The following TUSC3 variants were observed in gnomAD, a reference collection of about 807,000 sequenced individuals.
TUSC3 encodes dolichyl-diphosphooligosaccharide--protein glycosyltransferase subunit TUSC3.
In TUSC3, 45 loss-of-function variants were observed where a neutral mutation model predicts 44.8. The ratio of observed to expected loss-of-function variants is 1.00; its 90% CI spans 0.79 to 1.29. The LOEUF (loss-of-function observed/expected upper bound fraction) is 1.29. Ranked by LOEUF, TUSC3 falls within the 50% of genes most tolerant of loss-of-function variation. The probability of loss-of-function intolerance (pLI) is 0.00; values close to 1 mark genes in which losing one functional copy is unlikely to be tolerated. For synonymous variants in TUSC3, 212 were observed against 152.9 expected, an observed-to-expected ratio of 1.39 and a Z score of -2.85; for missense variants, 519 against 437.9, an observed-to-expected ratio of 1.19 and a Z score of -1.65.
intron 2 of TUSC3, among the ~76,000 whole-genome samples, chr8:15,527,113 G>T (rs557177077): frequency 1.3e-5 from 2 of 152,112 alleles, no homozygotes; most frequent in African/African-American, 4.8e-5. Flanking sequence ...GCATATTGGC[G>T]TGCACTGCTT....
At chr8:15,552,005 TG>T (rs1259676061) in intron 1 of TUSC3, among the ~76,000 whole-genome samples, 4 of 151,752 alleles carry the variant, frequency 2.6e-5, no homozygotes, top group African/African-American at 9.7e-5. Flanking sequence ...TTCTTGAGTA[TG>T]GAGACTTCTT....
chr8:15,471,864 G>T (rs566794617), intron 1 of TUSC3, among the ~76,000 whole-genome samples: 2 of 151,832 alleles, frequency 1.3e-5, no homozygotes, highest in African/African-American at 4.8e-5. Context: ...GTGATCCACC[G>T]ACCCCTGCCT....
In TUSC3 at chr8:15,765,573, A is replaced by G. The variant is rs1046937016; in HGVS notation, c.*1417A>G. ...GTTTATCAAGTTATATCCCAGGGCA[A>G]TGTGTATGCTAGCAGGATGAATGCT... On this transcript the variant is annotated 3_prime_UTR_variant, in exon 11 of 11. Coordinates refer to ENST00000503731, the MANE Select transcript of TUSC3 (RefSeq NM_006765.4). The G allele has an allele frequency of 4.6e-5, 7 of 152,064 alleles. No individual in the cohort carries two copies. Among genetic ancestry groups the G allele is most frequent in the African/African-American group, 1.4e-4 (6 of 41,436 alleles). The allele number at this position is 152,064 out of a possible 1,614,324, so 9.4% of individuals were successfully genotyped here. A position where few individuals can be genotyped will look rare whatever the true frequency, so the allele number is the denominator to read the frequency against.
intron 1 of TUSC3, among the ~76,000 whole-genome samples, chr8:15,621,889 A>G (rs1805263419): frequency 6.6e-6 from 1 of 151,770 alleles, no homozygotes; most frequent in African/African-American, 2.4e-5. Flanking sequence ...CTCTTTGGCC[A>G]GCTTACTTTC....
chr8:15,532,774 T>C (rs1801467397), intron 2 of TUSC3, among the ~76,000 whole-genome samples: 1 of 152,170 alleles, frequency 6.6e-6, no homozygotes, highest in African/African-American at 2.4e-5. Flanking sequence ...GCTGTTCTCA[T>C]GATAATGAAT....
Position 15,757,799 on chromosome 8 carries a change from A to G in TUSC3, c.1037A>G (p.Asp346Gly). The change falls in exon 10 of 11, where the codon GAC becomes GGC. Residue 346 changes from aspartate (D) to glycine (G), a missense_variant. Coordinates refer to ENST00000503731, the MANE Select transcript of TUSC3 (RefSeq NM_006765.4). ...KYHGYPYSDL[D>G]FE The stretch of plus-strand genomic sequence containing the variant: ...TGTGGTGTATTGGAAAGTGATCTGG[A>G]CTTTGAGTGAGAAGATGTGATTTGG... The G allele has an allele frequency of 6.9e-7, 1 of 1,443,072 alleles. No homozygotes were observed. The highest frequency in any genetic ancestry group is 9.8e-7 in the Non-Finnish European group (1 of 1,024,288). 89.4% of individuals were successfully genotyped at this position (1,443,072 alleles called of 1,614,324 possible). A position where few individuals can be genotyped will look rare whatever the true frequency, so the allele number is the denominator to read the frequency against.
intron 1 of TUSC3, among the ~76,000 whole-genome samples, chr8:15,619,494 T>C (rs1805145569): frequency 1.4e-5 from 2 of 142,868 alleles, no homozygotes; most frequent in Admixed American, 1.4e-4. Context: ...TTATTCCATA[T>C]ATTTTTTTTT....
the TUSC3 span, among the ~76,000 whole-genome samples, chr8:15,782,644 A>T: frequency 1.3e-5 from 2 of 152,234 alleles, no homozygotes; most frequent in East Asian, 3.8e-4. Context: ...TAATTTGATT[A>T]ATCTCAATAG....
intron 1 of TUSC3, among the ~76,000 whole-genome samples, chr8:15,465,198 A>G (rs1307697582): frequency 1.3e-5 from 2 of 152,200 alleles, no homozygotes; most frequent in Non-Finnish European, 2.9e-5. Context: ...GAAATTTTCC[A>G]TTGCCAAATG....
chr8:15,633,723 C>T (rs1465715853), intron 2 of TUSC3, among the ~76,000 whole-genome samples: 1 of 152,152 alleles, frequency 6.6e-6, no homozygotes, highest in African/African-American at 2.4e-5. Flanking sequence ...TCATCAGAAG[C>T]TAGGAAGAGG....
At chr8:15,478,606 C>A (rs1344195789) in intron 1 of TUSC3, among the ~76,000 whole-genome samples, 3 of 152,160 alleles carry the variant, frequency 2.0e-5, no homozygotes, top group Non-Finnish European at 4.4e-5. Context: ...AGGACATGAT[C>A]TCATTCCTTT....
intron 1 of TUSC3, among the ~76,000 whole-genome samples, chr8:15,589,048 A>G (rs1803713630): frequency 6.6e-6 from 1 of 152,018 alleles, no homozygotes; most frequent in African/African-American, 2.4e-5. Flanking sequence ...AGTGCAGTTT[A>G]TCATTATGCA....
intron 1 of TUSC3, among the ~76,000 whole-genome samples, chr8:15,449,894 T>C (rs1056482811): frequency 1.1e-4 from 16 of 152,114 alleles, no homozygotes; most frequent in Non-Finnish European, 2.2e-4. Flanking sequence ...ATATCTACCA[T>C]TGTGTTACGA....
chr8:15,474,740 A>C (rs1800551487), intron 1 of TUSC3, among the ~76,000 whole-genome samples: 1 of 152,344 alleles, frequency 6.6e-6, no homozygotes, highest in East Asian at 1.9e-4. Flanking sequence ...AAATAAAAGA[A>C]TACATTACAA....
At position 15,739,958 on chromosome 8, in the gene TUSC3, T is replaced by C. The variant is rs145566603; in HGVS notation, c.863-3580T>C. On this transcript the variant is annotated intron_variant, in intron 7 of 10. Coordinates refer to ENST00000503731, the MANE Select transcript of TUSC3 (RefSeq NM_006765.4). ...TGGTAATGTCTACATCAGAGAGTTA[T>C]TGGTACTGGGTAAGATAGTGAATAA... is the stretch of plus-strand genomic sequence containing the variant. Among the ~76,000 whole-genome samples, 702 of 152,292 alleles carry C rather than the reference T, an allele frequency of 4.6e-3. 3 individuals carry two copies. Among genetic ancestry groups the C allele is most frequent in the Non-Finnish European group, 7.3e-3 (499 of 68,026 alleles).
chr8:15,427,683 C>CCT (rs1799821240), intron 1 of TUSC3, among the ~76,000 whole-genome samples: 3 of 143,092 alleles, frequency 2.1e-5, no homozygotes, highest in Non-Finnish European at 4.7e-5. Context: ...CCTTATGCCC[C>CCT]TCAGTCAAAT....
intron 2 of TUSC3, among the ~76,000 whole-genome samples, chr8:15,646,698 C>T (rs931322446): frequency 6.6e-6 from 1 of 152,028 alleles, no homozygotes; most frequent in Admixed American, 6.6e-5. Context: ...GCAGAAGAGG[C>T]CCTTGCACTC....
chr8:15,752,844 A>T (rs1406895611), intron 9 of TUSC3, among the ~76,000 whole-genome samples: 1 of 152,076 alleles, frequency 6.6e-6, no homozygotes, highest in East Asian at 1.9e-4. Context: ...ACAATTAGAT[A>T]AATGTTCAGC....
At chr8:15,456,915 A>T (rs1800263959) in intron 1 of TUSC3, among the ~76,000 whole-genome samples, 1 of 152,206 alleles carries the variant, frequency 6.6e-6, no homozygotes, top group South Asian at 2.1e-4. Context: ...ATAAAAAAAT[A>T]TTAAGAACAC....
Sources: allele counts gnomAD v4.1 joint callset (sites outside exome capture counted in the v4.1 genomes callset), GRCh38; gene constraint gnomAD v4.1.1; transcripts MANE v1.5; gene names NCBI Gene and HGNC (gene_info 2026-07-23, HGNC 2026-07-21).